The following SMG1 variants were observed in gnomAD, a reference collection of about 807,000 sequenced individuals.
SMG1 encodes serine/threonine-protein kinase SMG1.
Under a neutral mutation model 419.9 loss-of-function variants are expected in SMG1, and 22 were observed. The observed-to-expected ratio is 0.05, with a 90% CI of 0.04 to 0.07. The LOEUF is 0.07. Among genes scored for constraint, SMG1 ranks in the 10% least tolerant of loss-of-function variants. The pLI, the probability that SMG1 is intolerant of heterozygous loss-of-function variation, is 1.00. For synonymous variants in SMG1, 1,538 were observed against 1,553.5 expected, an observed-to-expected ratio of 0.99 and a Z score of 0.23; for missense variants, 3,185 against 4,342.0, an observed-to-expected ratio of 0.73 and a Z score of 7.49.
chr16:18,899,627 A>T (rs1299809103), intron 1 of SMG1, among the ~76,000 whole-genome samples: 1 of 152,168 alleles, frequency 6.6e-6, no homozygotes, highest in Non-Finnish European at 1.5e-5. Context: ...CAGTCCAATA[A>T]ATAGAAAACT....
chr16:18,834,238 A>G lies in SMG1; in HGVS notation c.8531T>C (p.Val2844Ala), dbSNP rs773567841. 1.9e-6 allele frequency: 3 copies of G among 1,605,378 alleles called. No homozygotes were observed. Among genetic ancestry groups the G allele is most frequent in the East Asian group, 4.5e-5 (2 of 44,688 alleles). ...IPNPMEASET[V>A]HLANGVYTSL... ...GGTATACACTCCATTGGCTAAGTGAACTGTCTCAGACGCTTCCATGGGGTT... is the reference window on the plus strand; with the variant it reads ...GGTATACACTCCATTGGCTAAGTGAGCTGTCTCAGACGCTTCCATGGGGTT... Residue 2844 changes from valine to alanine, a missense_variant, in exon 50 of 63, where the codon GTT (valine) becomes GCT (alanine). Transcript: ENST00000446231.
intron 7 of SMG1, 141 bp downstream of exon 7, chr16:18,885,400 G>A (rs1277127139): frequency 1.6e-5 from 17 of 1,043,180 alleles, no homozygotes; most frequent in Admixed American, 1.4e-4. Flanking sequence ...AGAAAAATGC[G>A]GTATTTAACC....
In SMG1 at chr16:18,905,040, T is replaced by TC. The variant is rs2037504507; in HGVS notation, c.93-8085dup. Among the ~76,000 whole-genome samples the TC allele has an allele frequency of 3.3e-5, 5 of 152,038 alleles. No homozygotes were observed. The South Asian group carries it at 1.0e-3, about 32-fold the overall frequency. ...ACTTTGGGAGGGTGAGGCAGGCAGA[T>TC]CATGAGTTCAGGAGTTTGAGACCAG... On this transcript the variant is annotated intron_variant, in intron 1 of 62. Coordinates refer to ENST00000446231, the MANE Select transcript of SMG1 (RefSeq NM_015092.5).
chr16:18,912,664 T>G (rs2037838852), intron 1 of SMG1, among the ~76,000 whole-genome samples: 1 of 152,090 alleles, frequency 6.6e-6, no homozygotes, highest in Non-Finnish European at 1.5e-5. Flanking sequence ...ACCACATACT[T>G]ACGACCTATT....
chr16:18,918,025 C>A (rs2038043848), intron 1 of SMG1, among the ~76,000 whole-genome samples: 1 of 151,526 alleles, frequency 6.6e-6, no homozygotes, highest in Non-Finnish European at 1.5e-5. Flanking sequence ...CTTTGGGAGG[C>A]TGGGATGGGT....
Position 18,847,710 on chromosome 16 carries a change from T to G in SMG1, c.5842-103A>C. On this transcript the variant is annotated intron_variant, in intron 37 of 62. Transcript: ENST00000446231. The stretch of plus-strand genomic sequence containing the variant: ...GTTAAGTGTGTGCAATTGGTGCTCA[T>G]TATACAATTGGAGAACCCTGACCAG... 7 of 1,569,986 alleles carry G rather than the reference T, an allele frequency of 4.5e-6. No individual in the cohort carries two copies. The South Asian group carries it at 6.8e-5, about 15-fold the overall frequency.
At chr16:18,909,916 C>T (rs1038080003) in intron 1 of SMG1, among the ~76,000 whole-genome samples, 2 of 151,936 alleles carry the variant, frequency 1.3e-5, no homozygotes, top group African/African-American at 4.8e-5. Context: ...CTATCTTTTT[C>T]TTTTGTTACA....
intron 29 of SMG1, among the ~76,000 whole-genome samples, chr16:18,855,767 C>T (rs1321882847): frequency 6.6e-6 from 1 of 152,130 alleles, no homozygotes; most frequent in African/African-American, 2.4e-5. Context: ...TCCCTTTGAC[C>T]CCATTCTTAT....
intron 6 of SMG1, among the ~76,000 whole-genome samples, chr16:18,888,611 G>A (rs1056123572): frequency 6.6e-6 from 1 of 151,682 alleles, no homozygotes; most frequent in African/African-American, 2.4e-5. Flanking sequence ...GGGACTACAG[G>A]CGCGTGCCAC....
chr16:18,923,910 G>T (rs1314915404), intron 1 of SMG1, among the ~76,000 whole-genome samples: 1 of 151,976 alleles, frequency 6.6e-6, no homozygotes, highest in African/African-American at 2.4e-5. Flanking sequence ...AACACCCCAG[G>T]TATTTTTATT....
At position 18,815,587 on chromosome 16, in the gene SMG1, A is replaced by C. The variant is rs780210837; in HGVS notation, c.10367T>G (p.Leu3456Trp). The stretch of plus-strand genomic sequence containing the variant: ...GTCTTGCCATGATTTATATTCACCC[A>C]AAAACTGCCTAACACTGTTCTCATA... ...VPYENSVRQF[L>W]GEYKSWQDNI... Residue 3456 changes from leucine (L) to tryptophan (W), a missense_variant, in exon 59 of 63, where the codon TTG becomes TGG. Around this residue, in one of 27 missense-constraint regions of SMG1, gnomAD observed 737 missense variants for 846.6 expected, o/e 0.87. Coordinates refer to ENST00000446231, the MANE Select transcript of SMG1 (RefSeq NM_015092.5). 5 of 1,613,880 alleles carry C rather than the reference A, an allele frequency of 3.1e-6. No individual in the cohort carries two copies. Among genetic ancestry groups the C allele is most frequent in the Non-Finnish European group, 3.4e-6 (4 of 1,179,802 alleles).
At chr16:18,884,951 A>C (rs868781367) in intron 8 of SMG1, 139 bp downstream of exon 8, 19 of 641,970 alleles carry the variant, frequency 3.0e-5, no homozygotes, top group East Asian at 1.1e-4. Context: ...GCTAACAAGT[A>C]ATGTTCATTT....
At position 18,829,939 on chromosome 16, in the gene SMG1, A is replaced by C. The variant is rs775564530; in HGVS notation, c.9120T>G (p.Ser3040=). ...KEFFRLCGTF[S]KTLSGSSSLE... ...GTAGAATATTACCTGACAATGTTTTAGAAAAGGTACCACAGAGCCTGAAGA... is the reference window on the plus strand; with the variant it reads ...GTAGAATATTACCTGACAATGTTTTCGAAAAGGTACCACAGAGCCTGAAGA... Residue 3040 remains serine, a synonymous_variant, in exon 53 of 63, where the codon TCT becomes TCG. Coordinates refer to ENST00000446231, the MANE Select transcript of SMG1 (RefSeq NM_015092.5). 4 of 1,553,572 alleles carry C rather than the reference A, an allele frequency of 2.6e-6. No homozygotes were observed. The highest frequency in any genetic ancestry group is 3.5e-6 in the Non-Finnish European group (4 of 1,152,938).
In SMG1 at chr16:18,812,041, A is replaced by C. The variant is rs760549521; in HGVS notation, c.10708T>G (p.Ser3570Ala). The C allele has an allele frequency of 1.9e-6, 3 of 1,613,938 alleles. No individual in the cohort carries two copies. In the Admixed American group the frequency reaches 5.0e-5, roughly 27 times the overall value. The change falls in exon 61 of 63, where the codon TCA becomes GCA. Residue 3570 changes from serine (S) to alanine (A), a missense_variant. Ser to Ala is a moderately conservative substitution (Grantham distance 99, BLOSUM62 1). This residue lies in a region of SMG1 where 737 missense variants were observed against 846.6 expected (regional missense o/e 0.87). Transcript: ENST00000446231. Reference sequence around the variant, plus strand: ...ACGGTGCTTGGTGGAGTATCAGCTGATGTAGCAAGATTTTTTTGGATCAGC... The same window carrying C: ...ACGGTGCTTGGTGGAGTATCAGCTGCTGTAGCAAGATTTTTTTGGATCAGC... ...RKLIQKNLAT[S>A]ADTPPSTVPG...
At chr16:18,812,727 T>C (rs2031581674) in intron 60 of SMG1, among the ~76,000 whole-genome samples, 1 of 152,034 alleles carries the variant, frequency 6.6e-6, no homozygotes, top group African/African-American at 2.4e-5. Context: ...ACATGCAGGT[T>C]TGTTGCATAT....
At chr16:18,836,647 T>TGAG in intron 46 of SMG1, 115 bp from the exon 47 acceptor site, 3 of 1,044,340 alleles carry the variant, frequency 2.9e-6, no homozygotes, top group Non-Finnish European at 4.2e-6. Flanking sequence ...TTGTTCACCT[T>TGAG]GAGGGCCCTC....
chr16:18,849,196 C>T (rs1189191435), intron 36 of SMG1, 21 bp downstream of exon 36: 2 of 1,508,290 alleles, frequency 1.3e-6, no homozygotes, highest in African/African-American at 2.8e-5. Context: ...CTCAAAGTAG[C>T]AATATTTGAA....
chr16:18,889,183 A>T (rs962786389), intron 6 of SMG1, among the ~76,000 whole-genome samples, 189 bp downstream of exon 6: 3 of 152,152 alleles, frequency 2.0e-5, no homozygotes, highest in Non-Finnish European at 4.4e-5. Flanking sequence ...GCATATATGT[A>T]TGTAGCACTG....
chr16:18,853,987 C>T, intron 30 of SMG1, 120 bp from the exon 31 acceptor site: 1 of 821,102 alleles, frequency 1.2e-6, no homozygotes, highest in African/African-American at 1.9e-5. Flanking sequence ...TGGTTTCAAA[C>T]TCCTATGCTC....
Sources: gnomAD v4.1 joint callset for allele counts (sites outside exome capture counted in the v4.1 genomes callset) on GRCh38, gnomAD v4.1.1 for gene constraint, gnomAD v4.1.1 regional missense constraint, MANE v1.5 for transcripts, NCBI Gene and HGNC (gene_info 2026-07-23, HGNC 2026-07-21) for gene names.